DPP6: variants seen among roughly 807,000 people sequenced by gnomAD.
DPP6 encodes dipeptidyl peptidase like 6, also known as A-type potassium channel modulatory protein DPP6.
In DPP6, 69 loss-of-function variants were observed where a neutral mutation model predicts 122.6. The observed-to-expected ratio is 0.56, with a 90% CI of 0.46 to 0.69. DPP6 has a LOEUF of 0.69. DPP6 is among the 30% of genes least tolerant of loss of function. The pLI, the probability that DPP6 is intolerant of heterozygous loss-of-function variation, is 0.00. For synonymous variants in DPP6, 418 were observed against 433.1 expected (o/e 0.97, Z 0.43); for missense variants, 928 against 1,116.9 (o/e 0.83, Z 2.41).
intron 1 of DPP6, among the ~76,000 whole-genome samples, chr7:154,379,628 G>A (rs1297968854): frequency 1.3e-5 from 2 of 152,118 alleles, no homozygotes; most frequent in Non-Finnish European, 2.9e-5. Flanking sequence ...ATATAGAAAA[G>A]CATGATTATG....
chr7:154,103,521 G>A (rs895862374), intron 1 of DPP6, among the ~76,000 whole-genome samples: 2 of 152,204 alleles, frequency 1.3e-5, no homozygotes, highest in Admixed American at 6.5e-5. Context: ...TTGCCGTGAT[G>A]GTGAATGTTA....
chr7:154,279,853 A>T (rs959058896), intron 1 of DPP6, among the ~76,000 whole-genome samples: 1 of 152,244 alleles, frequency 6.6e-6, no homozygotes. Flanking sequence ...ATTACTGCAC[A>T]GGGGATGACC....
rs948620542 is a variant in DPP6 at position 154,475,325 on chromosome 7, T to A, written c.457+288T>A. ...CTTTGTGTGCCACCTCCCAGAGACA[T>A]CATTTCTCCGGGGGAGCTGTGGGGT... On this transcript the variant is annotated intron_variant, in intron 3 of 25. Transcript: ENST00000377770. 8 of 395,376 alleles carry A rather than the reference T, an allele frequency of 2.0e-5. 1 individual carries two copies. Among genetic ancestry groups the A allele is most frequent in the African/African-American group, 1.7e-4 (8 of 48,316 alleles). The allele number at this position is 395,376 out of a possible 1,614,324, so 24.5% of individuals were successfully genotyped here.
At chr7:154,742,909 T>G (rs1236397059) in intron 8 of DPP6, among the ~76,000 whole-genome samples, 3 of 151,536 alleles carry the variant, frequency 2.0e-5, no homozygotes, top group African/African-American at 7.2e-5. Flanking sequence ...CAGTCCCTCC[T>G]CCCCCAAAAT....
intron 5 of DPP6, among the ~76,000 whole-genome samples, chr7:154,629,003 G>C (rs1358300463): frequency 6.6e-6 from 1 of 152,050 alleles, no homozygotes; most frequent in Non-Finnish European, 1.5e-5. Context: ...TGATCTTCTC[G>C]GACTCCTCAA....
intron 10 of DPP6, among the ~76,000 whole-genome samples, chr7:154,783,572 C>T (rs190111672): frequency 1.9e-3 from 287 of 152,322 alleles, no homozygotes; most frequent in Non-Finnish European, 3.1e-3. Context: ...TGGACGCCTC[C>T]CATCAGTCCA....
rs1422005840 is a variant in DPP6 at position 154,063,680 on chromosome 7, C to CG, written c.243+10623dup. 1.3e-3 allele frequency among the ~76,000 whole-genome samples: 115 copies of CG among 90,320 alleles called. 4 individuals are homozygous for CG. The highest frequency in any genetic ancestry group is 6.5e-3 in the Middle Eastern group (1 of 154). The allele number at this position is 90,320 out of a possible 152,430, so 59.3% of individuals were successfully genotyped here. A position where few individuals can be genotyped will look rare whatever the true frequency, so the allele number is the denominator to read the frequency against. On this transcript the variant is annotated intron_variant, in intron 1 of 25. Transcript: ENST00000377770. ...CTGGCGCTTAGGACCCCCATCCCAG[C>CG]GGGGGGAGGCACCTCCCGTGAGGTG...
At chr7:154,040,113 G>A (rs2129057542) in intron 1 of DPP6, among the ~76,000 whole-genome samples, 1 of 135,250 alleles carries the variant, frequency 7.4e-6, no homozygotes, top group South Asian at 2.3e-4. Context: ...TTGTTCGGCT[G>A]CTTTTATTTT....
intron 2 of DPP6, among the ~76,000 whole-genome samples, chr7:154,452,128 G>A (rs1018380837): frequency 2.6e-5 from 4 of 152,218 alleles, no homozygotes; most frequent in African/African-American, 7.2e-5. Flanking sequence ...GAATGATCCC[G>A]GCTAGGAGCT....
chr7:154,223,228 G>A (rs1800407423), intron 1 of DPP6, among the ~76,000 whole-genome samples: 1 of 149,302 alleles, frequency 6.7e-6, no homozygotes, highest in African/African-American at 2.6e-5. Context: ...ACCAGCAGAA[G>A]CTCAGCACCA....
intron 8 of DPP6, among the ~76,000 whole-genome samples, chr7:154,759,396 G>A (rs1169092932): frequency 2.0e-5 from 3 of 152,206 alleles, no homozygotes; most frequent in Non-Finnish European, 2.9e-5. Flanking sequence ...TCAAGAGCAC[G>A]GGGACGTTCT....
chr7:154,823,201 C>G (rs6597425), intron 16 of DPP6, among the ~76,000 whole-genome samples: 120,513 of 152,138 alleles, frequency 0.79, 47,883 homozygotes, highest in Non-Finnish European at 0.83. Context: ...AGACCTGGAA[C>G]TGTGAACACT....
intron 16 of DPP6, among the ~76,000 whole-genome samples, chr7:154,826,954 A>G (rs1165471906): frequency 6.6e-6 from 1 of 152,126 alleles, no homozygotes; most frequent in South Asian, 2.1e-4. Context: ...ACTATTTCAT[A>G]GTTTGTAGCT....
chr7:154,505,160 G>A (rs11762326), intron 3 of DPP6, among the ~76,000 whole-genome samples: 6,606 of 152,202 alleles, frequency 0.043, 163 homozygotes, highest in Middle Eastern at 0.075. Flanking sequence ...GAGCTGGCAG[G>A]ATCCCCTGTA....
intron 16 of DPP6, among the ~76,000 whole-genome samples, chr7:154,846,473 A>C (rs1801954049): frequency 6.6e-6 from 1 of 152,214 alleles, no homozygotes; most frequent in East Asian, 1.9e-4. Flanking sequence ...ACCAGGACGC[A>C]ACATTAGCGG....
intron 1 of DPP6, among the ~76,000 whole-genome samples, chr7:154,224,327 T>C (rs913063294): frequency 3.4e-5 from 5 of 148,208 alleles, no homozygotes; most frequent in Non-Finnish European, 7.4e-5. Flanking sequence ...GTCTCAAAAA[T>C]ATAAAAAAAT....
rs561822969 is a variant in DPP6 at position 153,889,745 on chromosome 7, C to T, written c.51+2011C>T. Among the ~76,000 whole-genome samples, 4 of 152,170 alleles carry T rather than the reference C, an allele frequency of 2.6e-5. No homozygotes were observed. In the South Asian group the frequency reaches 8.3e-4, roughly 32 times the overall value. On this transcript the variant is annotated intron_variant, in intron 1 of 25. Transcript: ENST00000404039. ...TGTGTCTAATGTTAAGAAGTGTCAT[C>T]GGAGCAAGGTGAACCTGAGCCTAGA...
intron 3 of DPP6, among the ~76,000 whole-genome samples, chr7:154,496,711 G>A (rs1824771638): frequency 6.6e-6 from 1 of 152,184 alleles, no homozygotes; most frequent in African/African-American, 2.4e-5. Flanking sequence ...GAACAAAGGA[G>A]AACAGACCTA....
At chr7:154,213,940 C>CG (rs1799866615) in intron 1 of DPP6, among the ~76,000 whole-genome samples, 1 of 152,126 alleles carries the variant, frequency 6.6e-6, no homozygotes, top group African/African-American at 2.4e-5. Flanking sequence ...CCTCCCTGCT[C>CG]ACCAGTAACA....
Sources: allele counts gnomAD v4.1 joint callset (sites outside exome capture counted in the v4.1 genomes callset), GRCh38; gene constraint gnomAD v4.1.1; transcripts MANE v1.5; gene names NCBI Gene and HGNC (gene_info 2026-07-23, HGNC 2026-07-21).